The following MBD5 variants were observed in gnomAD, a reference collection of about 807,000 sequenced individuals.
MBD5 encodes the protein methyl-CpG-binding domain protein 5.
In MBD5, 13 loss-of-function variants were observed where a neutral mutation model predicts 117.3. That is an observed-to-expected ratio of 0.11 (90% CI 0.07 to 0.18). The LOEUF is 0.18. Ranked by LOEUF, MBD5 falls within the 10% of genes least tolerant of loss-of-function variation. The pLI is 1.00. For synonymous variants in MBD5, 727 were observed against 766.4 expected (o/e 0.95, Z 0.85); for missense variants, 1,879 against 2,093.8 (o/e 0.90, Z 2.00).
chr2:148,140,924 C>T (rs1697297652), intron 1 of MBD5, among the ~76,000 whole-genome samples: 1 of 151,926 alleles, frequency 6.6e-6, no homozygotes, highest in Non-Finnish European at 1.5e-5. Flanking sequence ...TACCACCTCG[C>T]CCAGCTAATT....
chr2:148,060,447 A>T (rs1695005964), intron 1 of MBD5, among the ~76,000 whole-genome samples: 1 of 151,750 alleles, frequency 6.6e-6, no homozygotes. Context: ...ATGTTTCCTT[A>T]CCACAATAGT....
At chr2:148,317,060 A>G (rs1702172206) in intron 3 of MBD5, among the ~76,000 whole-genome samples, 1 of 152,214 alleles carries the variant, frequency 6.6e-6, no homozygotes, top group South Asian at 2.1e-4. Flanking sequence ...TATTATCCCA[A>G]AACTCCAGTA....
intron 8 of MBD5, among the ~76,000 whole-genome samples, chr2:148,475,317 T>A (rs1001729494): frequency 6.6e-6 from 1 of 152,174 alleles, no homozygotes; most frequent in Non-Finnish European, 1.5e-5. Flanking sequence ...TTTTAGTAAA[T>A]TTTTGCAAAA....
intron 1 of MBD5, among the ~76,000 whole-genome samples, chr2:148,050,847 T>C (rs533074343): frequency 6.6e-6 from 1 of 152,284 alleles, no homozygotes; most frequent in East Asian, 1.9e-4. Context: ...TGTGTTTCCT[T>C]ACTATAGTTT....
intron 4 of MBD5, among the ~76,000 whole-genome samples, chr2:148,343,890 A>C (rs1703016265): frequency 6.6e-6 from 1 of 152,114 alleles, no homozygotes; most frequent in African/African-American, 2.4e-5. Context: ...CCTAAGGCCC[A>C]TGTCCAGAAC....
intron 2 of MBD5, among the ~76,000 whole-genome samples, chr2:148,185,538 G>A (rs140300418): frequency 1.3e-5 from 2 of 152,170 alleles, no homozygotes; most frequent in East Asian, 1.9e-4. Flanking sequence ...CAAAAGTGGG[G>A]GTTAATTAAA....
rs1458385979 is a variant in MBD5, at chr2:148,515,045, T to TTGA, written c.*2107_*2109dup. 1 of 152,234 alleles carries TTGA rather than the reference T, an allele frequency of 6.6e-6. No homozygotes were observed. The highest frequency in any genetic ancestry group is 1.5e-5 in the Non-Finnish European group (1 of 68,038). The allele number at this position is 152,234 out of a possible 1,614,324, so 9.4% of individuals were successfully genotyped here. ...TTGACACATGTTTATAAGTTAAAAG[T>TTGA]TGATGTGGCTAGTATGTTTAAACCA... On this transcript the variant is annotated 3_prime_UTR_variant, in exon 14 of 14. Coordinates refer to ENST00000642680, the MANE Select transcript of MBD5 (RefSeq NM_001378120.1).
intron 1 of MBD5, among the ~76,000 whole-genome samples, chr2:148,060,962 C>CT (rs1296988317): frequency 1.3e-5 from 2 of 152,002 alleles, no homozygotes; most frequent in Non-Finnish European, 2.9e-5. Context: ...CTATTTATCT[C>CT]TTGTTTTATT....
At chr2:148,293,045 G>C (rs1701536237) in intron 3 of MBD5, among the ~76,000 whole-genome samples, 1 of 151,670 alleles carries the variant, frequency 6.6e-6, no homozygotes, top group Non-Finnish European at 1.5e-5. Context: ...GTGAAGTGTG[G>C]CTTATGCCTC....
intron 4 of MBD5, among the ~76,000 whole-genome samples, chr2:148,386,095 A>T (rs1419014131): frequency 1.3e-5 from 2 of 152,044 alleles, no homozygotes; most frequent in Non-Finnish European, 2.9e-5. Flanking sequence ...ATGTCCCCTA[A>T]AACTTAAAGT....
chr2:148,293,284 G>T (rs1249069710), intron 3 of MBD5, among the ~76,000 whole-genome samples: 1 of 152,016 alleles, frequency 6.6e-6, no homozygotes, highest in Non-Finnish European at 1.5e-5. Context: ...TGGCTAATGG[G>T]TACAAAAACT....
chr2:148,177,846 G>T (rs1194165257), intron 1 of MBD5, among the ~76,000 whole-genome samples: 1 of 152,162 alleles, frequency 6.6e-6, no homozygotes, highest in East Asian at 1.9e-4. Flanking sequence ...AAGGAGCAAT[G>T]ATAATTGCTA....
chr2:148,390,587 A>G (rs1704543719), intron 4 of MBD5, among the ~76,000 whole-genome samples: 1 of 146,738 alleles, frequency 6.8e-6, no homozygotes, highest in Non-Finnish European at 1.5e-5. Context: ...ATATATACAT[A>G]CTTTTTGAGA....
At chr2:148,255,563 G>A (rs1324843844) in intron 3 of MBD5, among the ~76,000 whole-genome samples, 2 of 152,214 alleles carry the variant, frequency 1.3e-5, no homozygotes, top group African/African-American at 2.4e-5. Context: ...AGGTGCACTA[G>A]GTCAGGTAAC....
In MBD5 at chr2:148,275,751, A is replaced by G. The variant is rs137991925; in HGVS notation, c.-680+42356A>G. On this transcript the variant is annotated intron_variant, in intron 3 of 13. Coordinates refer to ENST00000642680, the MANE Select transcript of MBD5 (RefSeq NM_001378120.1). ...GCTGAGTTGACATATAAAGTTAACC[A>G]TCACAGCCTGGAAATCACTTTTTTT... is the stretch of plus-strand genomic sequence containing the variant. Among the ~76,000 whole-genome samples the G allele has an allele frequency of 5.7e-4, 86 of 152,040 alleles. No homozygotes were observed. In the East Asian group the frequency reaches 0.015, roughly 27 times the overall value.
rs1218679237 is a variant in MBD5, at chr2:148,389,013, T to A, written c.-557+46677T>A. 2.6e-5 allele frequency among the ~76,000 whole-genome samples: 4 copies of A among 151,360 alleles called. No individual in the cohort carries two copies. The East Asian group carries it at 7.8e-4, about 30-fold the overall frequency. ...TACCCCTCTTTTGGAGTCCCTAATG[T>A]CTGTTATTTCCATCTTTATGTCCCA... On this transcript the variant is annotated intron_variant, in intron 4 of 13. Transcript: ENST00000642680.
chr2:148,339,463 A>G (rs1463902501), intron 3 of MBD5, among the ~76,000 whole-genome samples: 1 of 152,064 alleles, frequency 6.6e-6, no homozygotes, highest in East Asian at 1.9e-4. Flanking sequence ...TCAAAGTATC[A>G]TTTATTTCTG....
intron 3 of MBD5, among the ~76,000 whole-genome samples, chr2:148,259,507 G>A (rs1162991697): frequency 1.3e-5 from 2 of 152,178 alleles, no homozygotes; most frequent in African/African-American, 2.4e-5. Context: ...GGGGACCAAA[G>A]GTTCACTTAC....
At chr2:148,465,787 G>T (rs187058066) in intron 7 of MBD5, among the ~76,000 whole-genome samples, 1 of 152,106 alleles carries the variant, frequency 6.6e-6, no homozygotes, top group African/African-American at 2.4e-5. Flanking sequence ...TTCACACTTA[G>T]AATTCATGTG....
Sources: allele counts gnomAD v4.1 joint callset (sites outside exome capture counted in the v4.1 genomes callset), GRCh38; gene constraint gnomAD v4.1.1; transcripts MANE v1.5; gene names NCBI Gene and HGNC (gene_info 2026-07-23, HGNC 2026-07-21).